The following ANO4 variants were observed in gnomAD, a reference collection of about 807,000 sequenced individuals.
ANO4 encodes anoctamin 4.
ANO4 carries 69 observed loss-of-function variants against 141.9 expected under a neutral mutation model. That is an observed-to-expected ratio of 0.49 (90% CI 0.40 to 0.59). The LOEUF is 0.59. ANO4 is among the 20% of genes least tolerant of loss of function. The probability of loss-of-function intolerance (pLI) is 0.00; values close to 1 mark genes in which losing one functional copy is unlikely to be tolerated. For missense variants in ANO4, 894 were observed against 1,162.2 expected, an observed-to-expected ratio of 0.77 and a Z score of 3.36; for synonymous variants, 350 against 394.3, an observed-to-expected ratio of 0.89 and a Z score of 1.33.
chr12:100,779,830 C>T (rs1339688333), intron 3 of ANO4, among the ~76,000 whole-genome samples: 1 of 152,178 alleles, frequency 6.6e-6, no homozygotes, highest in East Asian at 1.9e-4. Context: ...GCCATGTAGG[C>T]TGTAGATATT....
chr12:100,746,352 T>C (rs959034734), intron 3 of ANO4, among the ~76,000 whole-genome samples: 4 of 151,938 alleles, frequency 2.6e-5, no homozygotes, highest in East Asian at 1.9e-4. Flanking sequence ...CTTTGGGAAA[T>C]TGAGGCATAA....
chr12:100,789,806 G>T (rs1016276581), upstream of ANO4, among the ~76,000 whole-genome samples: 1 of 152,202 alleles, frequency 6.6e-6, no homozygotes, highest in Non-Finnish European at 1.5e-5. Context: ...AGGCATGAAA[G>T]ATGGATTCAT....
At chr12:100,868,740 T>G (rs1298361368) in intron 1 of ANO4, among the ~76,000 whole-genome samples, 1 of 152,122 alleles carries the variant, frequency 6.6e-6, no homozygotes, top group Non-Finnish European at 1.5e-5. Flanking sequence ...TCATCCTAGG[T>G]CCACTTCACC....
intron 1 of ANO4, among the ~76,000 whole-genome samples, chr12:100,816,493 A>G (rs1302127109): frequency 1.3e-5 from 2 of 151,982 alleles, no homozygotes; most frequent in Non-Finnish European, 2.9e-5. Flanking sequence ...CAAGGAGTGG[A>G]TATAGATGCC....
At chr12:100,828,821 C>T (rs572499362) in intron 1 of ANO4, among the ~76,000 whole-genome samples, 1 of 152,060 alleles carries the variant, frequency 6.6e-6, no homozygotes, top group South Asian at 2.1e-4. Flanking sequence ...AGTTTGAGAC[C>T]AGCCTGGCCA....
rs146247752 is a variant in ANO4 at position 100,968,734 on chromosome 12, A to G, written c.457-2572A>G. ...ACTATGTATTGAAAAGCAAGCGGCAATCTTTTCTGAAGTCCAACAAATGCT... is the reference window on the plus strand; with the variant it reads ...ACTATGTATTGAAAAGCAAGCGGCAGTCTTTTCTGAAGTCCAACAAATGCT... On this transcript the variant is annotated intron_variant, in intron 5 of 27. Transcript: ENST00000392977. Among the ~76,000 whole-genome samples, 288 of 152,336 alleles carry G rather than the reference A, an allele frequency of 1.9e-3. 2 individuals carry two copies. The highest frequency in any genetic ancestry group is 6.3e-3 in the African/African-American group (262 of 41,580).
chr12:100,824,844 C>T (rs1055497902), intron 1 of ANO4, among the ~76,000 whole-genome samples: 14 of 151,996 alleles, frequency 9.2e-5, no homozygotes, highest in African/African-American at 3.4e-4. Context: ...ATTAAGAGGA[C>T]TCAGTGACAA....
chr12:101,034,397 C>G (rs1434886845), intron 9 of ANO4, among the ~76,000 whole-genome samples: 5 of 152,090 alleles, frequency 3.3e-5, no homozygotes, highest in African/African-American at 1.2e-4. Context: ...AACAGAAAAC[C>G]AAACACTGCA....
At chr12:100,807,154 A>G (rs762274371) in intron 1 of ANO4, among the ~76,000 whole-genome samples, 4 of 152,166 alleles carry the variant, frequency 2.6e-5, no homozygotes, top group African/African-American at 7.2e-5. Context: ...TTTTCCCCCA[A>G]CAACTACCTA....
chr12:101,014,734 A>C (rs1012870083), intron 8 of ANO4, among the ~76,000 whole-genome samples: 10 of 152,310 alleles, frequency 6.6e-5, no homozygotes, highest in African/African-American at 2.4e-4. Context: ...TGCTACACCC[A>C]TTCAGCAGTT....
At chr12:100,991,377 A>C (rs2045094100) in intron 8 of ANO4, among the ~76,000 whole-genome samples, 1 of 152,152 alleles carries the variant, frequency 6.6e-6, no homozygotes, top group African/African-American at 2.4e-5. Context: ...TGGCTTTCCA[A>C]ATATAGTCCA....
intron 1 of ANO4, among the ~76,000 whole-genome samples, chr12:100,838,280 T>A (rs1183831729): frequency 2.0e-5 from 3 of 146,984 alleles, no homozygotes; most frequent in Non-Finnish European, 4.5e-5. Flanking sequence ...CCTGCTGCTA[T>A]AAGACTGTAA....
intron 1 of ANO4, among the ~76,000 whole-genome samples, chr12:100,733,053 T>C (rs1342285021): frequency 6.6e-6 from 1 of 152,322 alleles, no homozygotes; most frequent in East Asian, 1.9e-4. Flanking sequence ...GTCAGAATAC[T>C]GCAGCAGCCT....
intron 16 of ANO4, among the ~76,000 whole-genome samples, chr12:101,086,125 T>TGTGTGTG (rs1566228195): frequency 6.2e-4 from 83 of 134,796 alleles, no homozygotes; most frequent in Non-Finnish European, 9.1e-4. Flanking sequence ...TGTGTGTGTG[T>TGTGTGTG]TCGGCAAGAG....
chr12:101,094,593 T>C lies in ANO4; in HGVS notation c.1738+301T>C, dbSNP rs185714413. ...CATTTGTATAAAGTATCCAGTATAATTTAGGAAAGTGTTCATTTGCTATTG... is the reference window on the plus strand; with the variant it reads ...CATTTGTATAAAGTATCCAGTATAACTTAGGAAAGTGTTCATTTGCTATTG... On this transcript the variant is annotated intron_variant, in intron 18 of 27. Coordinates refer to ENST00000392977, the MANE Select transcript of ANO4 (RefSeq NM_001286615.2). 8.5e-5 allele frequency among the ~76,000 whole-genome samples: 13 copies of C among 152,304 alleles called. No homozygotes were observed. In the East Asian group the frequency reaches 2.5e-3, roughly 29 times the overall value.
chr12:100,908,587 G>C (rs1018441144), intron 2 of ANO4, among the ~76,000 whole-genome samples: 26 of 152,072 alleles, frequency 1.7e-4, no homozygotes, highest in Non-Finnish European at 3.4e-4. Flanking sequence ...TATGATTTCA[G>C]TTCCATTCTC....
chr12:100,962,551 C>T (rs1432226327), intron 5 of ANO4, among the ~76,000 whole-genome samples: 1 of 152,206 alleles, frequency 6.6e-6, no homozygotes, highest in Admixed American at 6.5e-5. Context: ...TCCAAGGCCA[C>T]CCCAGGGTGT....
intron 14 of ANO4, among the ~76,000 whole-genome samples, chr12:101,066,192 A>T (rs1417489081): frequency 6.6e-6 from 1 of 152,238 alleles, no homozygotes; most frequent in Non-Finnish European, 1.5e-5. Flanking sequence ...CTTCCTCTAA[A>T]ATCTGGAGCA....
intron 1 of ANO4, among the ~76,000 whole-genome samples, chr12:100,819,613 G>A (rs1036975471): frequency 6.6e-6 from 1 of 151,890 alleles, no homozygotes; most frequent in Non-Finnish European, 1.5e-5. Flanking sequence ...ATTCTTGGTG[G>A]TAATTAGTGA....
Sources: gnomAD v4.1 joint callset for allele counts (sites outside exome capture counted in the v4.1 genomes callset) on GRCh38, gnomAD v4.1.1 for gene constraint, MANE v1.5 for transcripts, NCBI Gene and HGNC (gene_info 2026-07-23, HGNC 2026-07-21) for gene names.